FBF1: variants seen among roughly 807,000 people sequenced by gnomAD.
FBF1 encodes the protein Fas binding factor 1, also known as fas-binding factor 1.
Under a neutral mutation model 147.2 loss-of-function variants are expected in FBF1, and 119 were observed. The observed-to-expected ratio is 0.81, with a 90% CI of 0.70 to 0.94. The LOEUF (loss-of-function observed/expected upper bound fraction) is 0.94. Ranked by LOEUF, FBF1 falls within the 40% of genes least tolerant of loss-of-function variation. The pLI is 0.00. For missense variants in FBF1, 1,449 were observed against 1,500.8 expected (o/e 0.97, Z 0.57); for synonymous variants, 601 against 609.0 (o/e 0.99, Z 0.19).
Position 75,921,486 on chromosome 17 carries a change from T to A in FBF1, c.1601A>T (p.Asp534Val). 3 of 1,612,696 alleles carry A rather than the reference T, an allele frequency of 1.9e-6. No homozygotes were observed. Among genetic ancestry groups the A allele is most frequent in the Non-Finnish European group, 2.5e-6 (3 of 1,179,414 alleles). ...AAAAAACAAACCAGTGGCTGAGAGG[T>A]CTCCAGGGGCTGTTCCCCTCTTTGG... ...GSPKRGTAPG[D>V]LSATEPATCF... Residue 534 changes from aspartate to valine, a missense_variant, in exon 16 of 30, where the codon GAC becomes GTC. Transcript: ENST00000636174.
At chr17:75,938,923 C>T (rs188137459) in intron 1 of FBF1, among the ~76,000 whole-genome samples, 35 of 151,868 alleles carry the variant, frequency 2.3e-4, no homozygotes, top group African/African-American at 8.2e-4. Context: ...AAAGTTCTCT[C>T]ACTTTGCCCA....
Position 75,914,917 on chromosome 17 carries a change from C to T in FBF1, c.2644G>A (p.Glu882Lys). The T allele has an allele frequency of 6.2e-7, 1 of 1,611,722 alleles. No homozygotes were observed. Among genetic ancestry groups the T allele is most frequent in the Non-Finnish European group, 8.5e-7 (1 of 1,179,014 alleles). Reference protein sequence around the residue: ...LERAKSALLEEQKSVMLKCGE... With the variant: ...LERAKSALLEKQKSVMLKCGE... ...CACTTGAGCATGACAGACTTCTGCT[C>T]CTCCAGCAAGGCGCTCTGGGATGTG... The change falls in exon 25 of 30, where the codon GAG becomes AAG. Residue 882 changes from glutamate (E) to lysine (K), a missense_variant. Physicochemically the swap from Glu to Lys is moderately conservative, Grantham distance 56 (BLOSUM62 1). Transcript: ENST00000636174.
rs973901765 is a variant in FBF1 at position 75,917,934 on chromosome 17, G to A, written c.2383C>T (p.Arg795Trp). 9 of 1,598,802 alleles carry A rather than the reference G, an allele frequency of 5.6e-6. No homozygotes were observed. The highest frequency in any genetic ancestry group is 1.7e-5 in the Admixed American group (1 of 58,498). Residue 795 changes from arginine (R) to tryptophan (W), a missense_variant, in exon 22 of 30, where the codon CGG becomes TGG. Physicochemically the swap from Arg to Trp is moderately radical, Grantham distance 101 (BLOSUM62 -3). Transcript: ENST00000636174. The stretch of plus-strand genomic sequence containing the variant: ...TGGCTGAGAGGGGAGGGCGTACCCC[G>A]CAGCTGCTCGTCACGCTGCCGGATC... ...LGIRQRDEQL[R>W]ALQERLGQQQ...
Position 75,919,822 on chromosome 17 carries a change from G to C in FBF1, c.1984C>G (p.Arg662Gly). Residue 662 changes from arginine to glycine, a missense_variant, in exon 20 of 30, where the codon CGG becomes GGG. By Grantham distance (125) the Arg-to-Gly change is moderately radical. Coordinates refer to ENST00000636174, the MANE Select transcript of FBF1 (RefSeq NM_001319193.2). The surrounding 1 kb of genome is among the most constrained non-coding windows in gnomAD (Gnocchi z 5.0). The stretch of plus-strand genomic sequence containing the variant: ...GCTGACAGCTCTTCGTTCTCTCTCC[G>C]GAGCCGCTCCTCCCGTTGCTGGTAC... ...TSYQQREERL[R>G]RENEELSARY... 6.2e-7 allele frequency: 1 copy of C among 1,613,840 alleles called. No homozygotes were observed.
rs1432888768 is a variant in FBF1 at position 75,925,608 on chromosome 17, C to T, written c.869-162G>A. Among the ~76,000 whole-genome samples, 1 of 152,218 alleles carries T rather than the reference C, an allele frequency of 6.6e-6. No homozygotes were observed. Among genetic ancestry groups the T allele is most frequent in the Non-Finnish European group, 1.5e-5 (1 of 68,040 alleles). ...ACCTCAGGCACTGGCCAGGAAGATG[C>T]AGTGGCCTTGCAGTAGCCAGACCCT... On this transcript the variant is annotated intron_variant, in intron 12 of 29. Coordinates refer to ENST00000636174, the MANE Select transcript of FBF1 (RefSeq NM_001319193.2). This position sits in a 1 kb window ranked among gnomAD's most constrained non-coding sequence, Gnocchi z 5.0.
intron 7 of FBF1, among the ~76,000 whole-genome samples, chr17:75,929,585 C>G (rs1375493633): frequency 6.6e-6 from 1 of 152,132 alleles, no homozygotes; most frequent in Admixed American, 6.5e-5. Context: ...CAAAGATTGG[C>G]GCTGGGCTTG....
intron 6 of FBF1, 65 bp from the exon 7 acceptor site, chr17:75,930,112 C>T: frequency 2.3e-6 from 3 of 1,324,838 alleles, no homozygotes; most frequent in Non-Finnish European, 3.2e-6. Flanking sequence ...CAATAAAACT[C>T]AGGGTCCTGG....
chr17:75,937,420 T>C (rs1213831586), intron 3 of FBF1, 146 bp downstream of exon 3: 3 of 773,580 alleles, frequency 3.9e-6, no homozygotes, highest in Non-Finnish European at 6.6e-6. Context: ...TCCACCCACC[T>C]CGGCCTCCCA....
In FBF1 at chr17:75,914,026, C is replaced by G. The variant is rs777629604; in HGVS notation, c.3016G>C (p.Gly1006Arg). 1.3e-6 allele frequency: 2 copies of G among 1,587,324 alleles called. No homozygotes were observed. Among genetic ancestry groups the G allele is most frequent in the Admixed American group, 1.7e-5 (1 of 58,470 alleles). ...SKVASEKYEE[G>R]ERALREAQQV... ...TGGGCCTCGCGCAATGCCCGCTCCC[C>G]CTCCTCGTACTTCTCGGAGGCCACC... The change falls in exon 27 of 30, where the codon GGG (glycine) becomes CGG (arginine). Residue 1006 changes from glycine (G) to arginine (R), a missense_variant. Transcript: ENST00000636174.
intron 7 of FBF1, 52 bp downstream of exon 7, chr17:75,929,945 A>AGGGGCCC: frequency 1.5e-6 from 1 of 650,910 alleles, no homozygotes; most frequent in Non-Finnish European, 2.8e-6. Context: ...AAATATCATG[A>AGGGGCCC]CCCCACCCCA....
chr17:75,938,295 C>G, intron 1 of FBF1, 63 bp from the exon 2 acceptor site: 1 of 1,226,152 alleles, frequency 8.2e-7, no homozygotes. Context: ...CGCCATGGCT[C>G]ACGCCTGTTA....
Position 75,910,791 on chromosome 17 carries a change from C to G in FBF1, c.3379G>C (p.Glu1127Gln). The change falls in exon 30 of 30, where the codon GAG becomes CAG. Residue 1127 changes from glutamate (E) to glutamine (Q), a missense_variant. Coordinates refer to ENST00000636174, the MANE Select transcript of FBF1 (RefSeq NM_001319193.2). The surrounding 1 kb of genome is among the most constrained non-coding windows in gnomAD (Gnocchi z 4.1). ...HMAEQDRDFL[E>Q]NEQFFLETLK... Reference sequence around the variant, plus strand: ...GTCTCCAGGAAGAACTGTTCATTCTCCAAGAAGTCACGGTCCTGCAAGGCA... The same window carrying G: ...GTCTCCAGGAAGAACTGTTCATTCTGCAAGAAGTCACGGTCCTGCAAGGCA... 4 of 1,610,380 alleles carry G rather than the reference C, an allele frequency of 2.5e-6. No homozygotes were observed. Among genetic ancestry groups the G allele is most frequent in the Non-Finnish European group, 3.4e-6 (4 of 1,178,462 alleles).
At chr17:75,930,268 C>G (rs1426150514) in intron 6 of FBF1, 3 of 582,652 alleles carry the variant, frequency 5.1e-6, no homozygotes, top group Non-Finnish European at 9.2e-6. Context: ...TCAGAGAGCA[C>G]TGCCATTCCT....
Position 75,921,478 on chromosome 17 carries a change from C to G in FBF1, c.1609G>C (p.Ala537Pro). ...KRGTAPGDLS[A>P]TEPATCFPST... ...CAGCAAACAAAAAACAAACCAGTGG[C>G]TGAGAGGTCTCCAGGGGCTGTTCCC... is the stretch of plus-strand genomic sequence containing the variant. The change falls in exon 16 of 30, where the codon GCC (alanine) becomes CCC (proline). Residue 537 changes from alanine to proline, a missense_variant. Physicochemically the swap from Ala to Pro is conservative, Grantham distance 27 (BLOSUM62 -1). Coordinates refer to ENST00000636174, the MANE Select transcript of FBF1 (RefSeq NM_001319193.2). 3.1e-6 allele frequency: 5 copies of G among 1,612,530 alleles called. No homozygotes were observed. The highest frequency in any genetic ancestry group is 4.2e-6 in the Non-Finnish European group (5 of 1,179,308).
chr17:75,940,723 C>T (rs2065658502), intron 1 of FBF1, 125 bp downstream of exon 1: 1 of 153,864 alleles, frequency 6.5e-6, no homozygotes, highest in African/African-American at 2.4e-5. Flanking sequence ...AGAGTAACCC[C>T]GTCCCCACAT....
chr17:75,936,650 G>A (rs369564022), intron 3 of FBF1, among the ~76,000 whole-genome samples: 83 of 152,054 alleles, frequency 5.5e-4, no homozygotes, highest in African/African-American at 1.8e-3. Context: ...ACTCTACCCC[G>A]GGCAACAGAG....
At chr17:75,921,155 G>A (rs1394187729) in intron 17 of FBF1, 89 bp downstream of exon 17, 1 of 1,337,220 alleles carries the variant, frequency 7.5e-7, no homozygotes, top group Admixed American at 2.1e-5. Context: ...TTTCCTGGCA[G>A]GTCGTCAGGT....
At chr17:75,932,050 G>A (rs1306165996) in intron 5 of FBF1, among the ~76,000 whole-genome samples, 1 of 152,208 alleles carries the variant, frequency 6.6e-6, no homozygotes, top group Non-Finnish European at 1.5e-5. Flanking sequence ...CTGACCTTTT[G>A]TGCAGTTCTC....
In FBF1 at chr17:75,914,765, G is replaced by A. The variant is rs1300678089; in HGVS notation, c.2796C>T (p.Thr932=). Residue 932 remains threonine, a synonymous_variant, in exon 25 of 30, where the codon ACC becomes ACT. Transcript: ENST00000636174. ...GCCCTACCTTGGCCAGGCTGATGAGGGTGCCCTCCCGCTGGGTGTCCACCT... is the reference window on the plus strand; with the variant it reads ...GCCCTACCTTGGCCAGGCTGATGAGAGTGCCCTCCCGCTGGGTGTCCACCT... ...ALQVDTQREG[T]LISLAKEQAE... is the part of the protein sequence containing the mutation. 2 of 1,580,134 alleles carry A rather than the reference G, an allele frequency of 1.3e-6. No individual in the cohort carries two copies. Among genetic ancestry groups the A allele is most frequent in the Non-Finnish European group, 1.7e-6 (2 of 1,164,460 alleles).
Sources: gnomAD v4.1 joint callset for allele counts (sites outside exome capture counted in the v4.1 genomes callset) on GRCh38, gnomAD v4.1.1 for gene constraint, Gnocchi (gnomAD v3.1) non-coding constraint, MANE v1.5 for transcripts, NCBI Gene and HGNC (gene_info 2026-07-23, HGNC 2026-07-21) for gene names.